Variants in AKT1S1 observed in about 807,000 individuals in gnomAD.
AKT1S1 encodes the protein AKT1 substrate 1.
Under a neutral mutation model 21.2 loss-of-function variants are expected in AKT1S1, and 17 were observed. The observed-to-expected ratio is 0.80, with a 90% confidence interval of 0.55 to 1.20. The LOEUF (loss-of-function observed/expected upper bound fraction) is 1.20. AKT1S1 is among the 50% of genes most tolerant of loss of function. AKT1S1 has a pLI of 0.00. For missense variants in AKT1S1, 366 were observed against 368.3 expected (o/e 0.99, Z 0.05); for synonymous variants, 181 against 165.6 (o/e 1.09, Z -0.72).
intron 4 of AKT1S1, among the ~76,000 whole-genome samples, chr19:49,870,336 T>A (rs908003559): frequency 1.3e-5 from 2 of 152,204 alleles, no homozygotes; most frequent in African/African-American, 4.8e-5. Context: ...ACAGTGGAAG[T>A]GCTGTTGCCT....
chr19:49,870,515 G>A (rs771009096), intron 4 of AKT1S1, among the ~76,000 whole-genome samples: 3 of 152,320 alleles, frequency 2.0e-5, no homozygotes, highest in Admixed American at 1.3e-4. Context: ...GGGTCTCTGT[G>A]AGGGCTGAGA....
At position 49,873,537 on chromosome 19, in the gene AKT1S1, T is replaced by A; in HGVS notation, c.-7-235A>T. On this transcript the variant is annotated intron_variant, in intron 1 of 4. Coordinates refer to ENST00000344175, the MANE Select transcript of AKT1S1 (RefSeq NM_001098633.4). The surrounding 1 kb of genome is among the most constrained non-coding windows in gnomAD (Gnocchi z 6.9). ...CCCAACCCATTCCTCCTGCCCCAAG[T>A]CACTGTACTCCTTCCCCTTTGGCCC... 1.4e-6 allele frequency: 1 copy of A among 705,282 alleles called. No individual in the cohort carries two copies. The highest frequency in any genetic ancestry group is 2.1e-6 in the Non-Finnish European group (1 of 479,662). 43.7% of individuals were successfully genotyped at this position (705,282 alleles called of 1,614,324 possible). A position where few individuals can be genotyped will look rare whatever the true frequency, so the allele number is the denominator to read the frequency against.
chr19:49,876,621 G>A (rs2074948229), intron 1 of AKT1S1: 2 of 1,532,084 alleles, frequency 1.3e-6, no homozygotes, highest in Non-Finnish European at 8.8e-7. Context: ...AGCCAGCATG[G>A]CCGGCCCGGC....
chr19:49,877,742 AG>A, upstream of AKT1S1: 1 of 1,596,208 alleles, frequency 6.3e-7, no homozygotes, highest in African/African-American at 1.3e-5. Flanking sequence ...AGCCGGCTAC[AG>A]GGTAAGCACT....
chr19:49,871,405 C>T (rs1568666408), intron 4 of AKT1S1, 142 bp downstream of exon 4: 1 of 1,164,142 alleles, frequency 8.6e-7, no homozygotes, highest in East Asian at 2.3e-5. Flanking sequence ...GGCTCGTGTC[C>T]AAGAACTCGC....
intron 4 of AKT1S1, 23 bp downstream of exon 4, chr19:49,871,524 A>C: frequency 6.2e-7 from 1 of 1,612,874 alleles, no homozygotes; most frequent in Non-Finnish European, 8.5e-7. Flanking sequence ...TGCCCTCCCT[A>C]CCTCCCCACA....
At chr19:49,870,104 T>TC in intron 4 of AKT1S1, 44 bp from the exon 5 acceptor site, 6 of 1,462,378 alleles carry the variant, frequency 4.1e-6, no homozygotes, top group Non-Finnish European at 4.5e-6. Flanking sequence ...GGCAGGGCAA[T>TC]CCCCCTGCAC....
chr19:49,876,720 A>G, intron 1 of AKT1S1: 1 of 1,401,356 alleles, frequency 7.1e-7, no homozygotes, highest in Non-Finnish European at 9.3e-7. Flanking sequence ...CGCCTCCCTT[A>G]TCGGGGCCGC....
chr19:49,875,836 C>T, intron 1 of AKT1S1: 2 of 985,374 alleles, frequency 2.0e-6, no homozygotes, highest in South Asian at 4.7e-5. Flanking sequence ...TAATGCTACC[C>T]AACAGGAGAG....
chr19:49,873,070 G>T lies in AKT1S1; in HGVS notation c.226C>A (p.Arg76=). 2 of 1,553,628 alleles carry T rather than the reference G, an allele frequency of 1.3e-6. No homozygotes were observed. The highest frequency in any genetic ancestry group is 2.4e-5 in the East Asian group (1 of 41,460). ...ALAHRAATAA[R]PPAPPPAPQP... is the part of the protein sequence containing the mutation. The stretch of plus-strand genomic sequence containing the variant: ...GGTGCTGGTGGGGGCGCAGGAGGCC[G>T]AGCAGCAGTGGCAGCCCTGTGGGCC... The change falls in exon 2 of 5, where the codon CGG becomes AGG. Residue 76 remains arginine (R), a synonymous_variant. Coordinates refer to ENST00000344175, the MANE Select transcript of AKT1S1 (RefSeq NM_001098633.4). The surrounding 1 kb of genome is among the most constrained non-coding windows in gnomAD (Gnocchi z 6.9).
chr19:49,876,596 C>T (rs1388618195), intron 1 of AKT1S1: 1 of 1,518,248 alleles, frequency 6.6e-7, no homozygotes, highest in Admixed American at 2.3e-5. Flanking sequence ...ACGCCGCCTC[C>T]ACTCACGTGC....
chr19:49,869,236 A>T lies in AKT1S1; in HGVS notation c.*681T>A, dbSNP rs572940200. 3.7e-4 allele frequency: 57 copies of T among 152,800 alleles called. No individual in the cohort carries two copies. Among genetic ancestry groups the T allele is most frequent in the African/African-American group, 1.3e-3 (55 of 41,576 alleles). 9.5% of individuals were successfully genotyped at this position (152,800 alleles called of 1,614,324 possible). On this transcript the variant is annotated 3_prime_UTR_variant, in exon 5 of 5. Transcript: ENST00000344175. The stretch of plus-strand genomic sequence containing the variant: ...AGCTGGTACCATCCTGGATGCAGGG[A>T]CGGGCTTCGATTGGCAGGCTGTTGT...
intron 2 of AKT1S1, among the ~76,000 whole-genome samples, chr19:49,872,639 G>A (rs2074896730): frequency 6.6e-6 from 1 of 152,154 alleles, no homozygotes; most frequent in South Asian, 2.1e-4. Flanking sequence ...TCCTTGGCTA[G>A]ACCGGGAGCC....
At position 49,870,054 on chromosome 19, in the gene AKT1S1, A is replaced by C; in HGVS notation, c.634T>G (p.Ser212Ala). The C allele has an allele frequency of 6.5e-7, 1 of 1,539,288 alleles. No homozygotes were observed. The highest frequency in any genetic ancestry group is 8.8e-7 in the Non-Finnish European group (1 of 1,139,622). Residue 212 changes from serine to alanine, a missense_variant, in exon 5 of 5, where the codon TCG becomes GCG. Ser to Ala is a moderately conservative substitution (Grantham distance 99). Transcript: ENST00000344175. Reference protein sequence around the residue: ...SSDEENGPPSSPDLDRIAASM... With the variant: ...SSDEENGPPSAPDLDRIAASM... ...GCCGCGATGCGGTCCAGGTCGGGCGAAGAGGGCTGCGGGGACGGCGACGGG... is the reference window on the plus strand; with the variant it reads ...GCCGCGATGCGGTCCAGGTCGGGCGCAGAGGGCTGCGGGGACGGCGACGGG...
intron 1 of AKT1S1, chr19:49,876,133 G>C: frequency 1.0e-6 from 1 of 992,786 alleles, no homozygotes; most frequent in Non-Finnish European, 1.2e-6. Context: ...AGGAACCTGA[G>C]CATGAACGCG....
At chr19:49,872,243 A>G (rs935074767) in intron 2 of AKT1S1, among the ~76,000 whole-genome samples, 2 of 152,228 alleles carry the variant, frequency 1.3e-5, no homozygotes, top group Admixed American at 6.5e-5. Context: ...AGAGAAGTTA[A>G]GTCACTTGCC....
At chr19:49,877,793 C>G (rs1052798248), upstream of AKT1S1, 11 of 1,556,948 alleles carry the variant, frequency 7.1e-6, no homozygotes, top group Non-Finnish European at 9.6e-6. Context: ...CGAAACGCCC[C>G]GTCTAGTGAT....
At chr19:49,877,667 A>T, upstream of AKT1S1, 13 of 1,580,668 alleles carry the variant, frequency 8.2e-6, 1 homozygote, top group South Asian at 1.4e-4. Flanking sequence ...TCCGGAAGTG[A>T]CAACACGCTG....
chr19:49,870,121 G>C, intron 4 of AKT1S1, 61 bp from the exon 5 acceptor site: 1 of 1,425,350 alleles, frequency 7.0e-7, no homozygotes. Context: ...GCACCCACAC[G>C]CGGTCCAGGG....
Sources: allele counts gnomAD v4.1 joint callset (sites outside exome capture counted in the v4.1 genomes callset), GRCh38; gene constraint gnomAD v4.1.1; non-coding constraint Gnocchi (gnomAD v3.1); transcripts MANE v1.5; gene names NCBI Gene and HGNC (gene_info 2026-07-23, HGNC 2026-07-21).